Variants in PRR5 observed in about 807,000 individuals in gnomAD.
The protein encoded by PRR5 is proline-rich protein 5.
Under a neutral mutation model 30.6 loss-of-function variants are expected in PRR5, and 25 were observed. The observed-to-expected ratio is 0.82, with a 90% CI of 0.60 to 1.14. The LOEUF (loss-of-function observed/expected upper bound fraction) is 1.14, where lower values mean the gene tolerates loss of function less well. PRR5 is among the 50% of genes most tolerant of loss of function. PRR5 has a pLI of 0.00. For missense variants in PRR5, 600 were observed against 547.1 expected (o/e 1.10, Z -0.96); for synonymous variants, 286 against 247.1 (o/e 1.16, Z -1.48).
chr22:44,732,245 C>G lies in PRR5; in HGVS notation c.415-6C>G. 1 of 1,610,790 alleles carries G rather than the reference C, an allele frequency of 6.2e-7. No homozygotes were observed. The highest frequency in any genetic ancestry group is 8.5e-7 in the Non-Finnish European group (1 of 1,179,506). On this transcript the variant is annotated splice_polypyrimidine_tract_variant and splice_region_variant and intron_variant, in intron 5 of 7. Coordinates refer to ENST00000336985, the MANE Select transcript of PRR5 (RefSeq NM_181333.4). ...GCCGGTGGGGTGGGGTGCCTTCCGT[C>G]CACAGGGCAAGGAGCCATCGGTGCG...
At chr22:44,670,133 A>T (rs1422224467) in intron 1 of PRR5, among the ~76,000 whole-genome samples, 2 of 152,084 alleles carry the variant, frequency 1.3e-5, no homozygotes, top group Non-Finnish European at 2.9e-5. Context: ...GATGAGGGGG[A>T]CAAAGTCATC....
At position 44,733,112 on chromosome 22, in the gene PRR5, A is replaced by C. The variant is rs546311784; in HGVS notation, c.555+721A>C. On this transcript the variant is annotated intron_variant, in intron 6 of 7. Coordinates refer to ENST00000336985, the MANE Select transcript of PRR5 (RefSeq NM_181333.4). ...CCCAGAGGGCTTTTGTCAGTGGGTC[A>C]GCTCTGGGGAAGACACTCTGAGAGC... is the stretch of plus-strand genomic sequence containing the variant. Among the ~76,000 whole-genome samples the C allele has an allele frequency of 4.3e-4, 66 of 152,386 alleles. 1 individual carries two copies. Among genetic ancestry groups the C allele is most frequent in the Non-Finnish European group, 7.8e-4 (53 of 68,042 alleles).
intron 4 of PRR5, 122 bp from the exon 5 acceptor site, chr22:44,731,608 G>C: frequency 3.3e-6 from 3 of 918,624 alleles, no homozygotes; most frequent in South Asian, 1.4e-5. Flanking sequence ...CCTTGGGCAG[G>C]TGCTGCCAGG....
chr22:44,734,941 T>C, intron 6 of PRR5, 86 bp from the exon 7 acceptor site: 1 of 1,466,176 alleles, frequency 6.8e-7, no homozygotes, highest in Non-Finnish European at 9.3e-7. Flanking sequence ...GGACAGGCTG[T>C]CTGGTGGGTG....
intron 6 of PRR5, among the ~76,000 whole-genome samples, chr22:44,733,753 G>A (rs1423084833): frequency 6.6e-6 from 1 of 152,128 alleles, no homozygotes; most frequent in Non-Finnish European, 1.5e-5. Flanking sequence ...TAGTGTAGGT[G>A]ACCTTACTGT....
chr22:44,725,671 G>GTTA (rs1920931749), intron 3 of PRR5, among the ~76,000 whole-genome samples: 1 of 151,778 alleles, frequency 6.6e-6, no homozygotes, highest in African/African-American at 2.4e-5. Flanking sequence ...TGTTGTTGTT[G>GTTA]TTGTTGTTGT....
upstream of PRR5, among the ~76,000 whole-genome samples, chr22:44,700,127 G>C (rs1926122131): frequency 6.6e-6 from 1 of 152,034 alleles, no homozygotes; most frequent in Admixed American, 6.6e-5. Flanking sequence ...GACCAGCCTG[G>C]GCAACATAGC....
At chr22:44,696,872 G>A (rs1161655678) in intron 1 of PRR5, among the ~76,000 whole-genome samples, 1 of 152,148 alleles carries the variant, frequency 6.6e-6, no homozygotes, top group Middle Eastern at 3.2e-3. Context: ...TAGTAGCTGG[G>A]ACTACAGGTG....
intron 1 of PRR5, among the ~76,000 whole-genome samples, chr22:44,709,830 T>G (rs781399709): frequency 6.6e-6 from 1 of 151,980 alleles, no homozygotes; most frequent in Non-Finnish European, 1.5e-5. Context: ...CCAGCCTAGG[T>G]GACAGAACGA....
At position 44,737,365 on chromosome 22, in the gene PRR5, T is replaced by A; in HGVS notation, c.*118T>A. The A allele has an allele frequency of 7.0e-7, 1 of 1,433,056 alleles. No individual in the cohort carries two copies. The highest frequency in any genetic ancestry group is 9.2e-7 in the Non-Finnish European group (1 of 1,091,652). The allele number at this position is 1,433,056 out of a possible 1,614,324, so 88.8% of individuals were successfully genotyped here. On this transcript the variant is annotated 3_prime_UTR_variant, in exon 8 of 8. Transcript: ENST00000336985. ...TCCCGTCCCGCCAGCCCTATCGGCC[T>A]CGTCACTGGCCTTGGTCACTTTGTA...
At chr22:44,679,197 C>T (rs1046836515) in intron 1 of PRR5, 2 of 152,292 alleles carry the variant, frequency 1.3e-5, no homozygotes, top group African/African-American at 4.8e-5. Context: ...CAGGCAGGAG[C>T]AGGCTTGTGT....
intron 1 of PRR5, among the ~76,000 whole-genome samples, chr22:44,713,904 C>T (rs549346593): frequency 4.3e-4 from 66 of 152,196 alleles, no homozygotes; most frequent in East Asian, 3.3e-3. Flanking sequence ...CCCGGGTTCA[C>T]GCCACTCTCC....
rs1382586171 is a variant in PRR5, at chr22:44,714,656, T to C, written c.200T>C (p.Leu67Pro). The C allele has an allele frequency of 5.6e-6, 9 of 1,613,854 alleles. No individual in the cohort carries two copies. The highest frequency in any genetic ancestry group is 7.6e-6 in the Non-Finnish European group (9 of 1,179,974). The change falls in exon 2 of 8, where the codon CTC (leucine) becomes CCC (proline). Residue 67 changes from leucine to proline, a missense_variant. Transcript: ENST00000336985. ...CTGCCCGACCAGGAGCTCTTCAGCC[T>C]CAACGAGGGCGTCCGGTGAGTGCCT... Reference protein sequence around the residue: ...KGLPDQELFSLNEGVRQLLKT... With the variant: ...KGLPDQELFSPNEGVRQLLKT...
intron 1 of PRR5, among the ~76,000 whole-genome samples, chr22:44,686,937 A>C (rs561386765): frequency 5.9e-5 from 9 of 152,242 alleles, no homozygotes; most frequent in Non-Finnish European, 1.2e-4. Flanking sequence ...TCCTTCTTTT[A>C]CATCTTTAAT....
chr22:44,671,661 G>T (rs1018614089), intron 1 of PRR5, among the ~76,000 whole-genome samples: 3 of 152,184 alleles, frequency 2.0e-5, no homozygotes, highest in Non-Finnish European at 4.4e-5. Context: ...CTGAGCTTCA[G>T]TTCTCTCATT....
At chr22:44,714,202 G>A (rs1046074971) in intron 1 of PRR5, among the ~76,000 whole-genome samples, 19 of 152,364 alleles carry the variant, frequency 1.2e-4, no homozygotes, top group African/African-American at 3.6e-4. Context: ...CCGGGTGGCC[G>A]TGGAGGTAGA....
At chr22:44,729,729 C>G (rs1340095373) in intron 4 of PRR5, 1 of 985,382 alleles carries the variant, frequency 1.0e-6, no homozygotes, top group Non-Finnish European at 1.2e-6. Context: ...TTCCTGGCCT[C>G]TCGTCACCGT....
intron 1 of PRR5, among the ~76,000 whole-genome samples, chr22:44,713,286 G>A (rs1044018536): frequency 1.3e-5 from 2 of 152,212 alleles, no homozygotes; most frequent in Admixed American, 6.5e-5. Flanking sequence ...GAAGGGGTAC[G>A]GGGAGAGCTC....
intron 1 of PRR5, among the ~76,000 whole-genome samples, chr22:44,678,072 A>C (rs1031309444): frequency 6.6e-6 from 1 of 152,136 alleles, no homozygotes; most frequent in African/African-American, 2.4e-5. Flanking sequence ...TGGTACCCAG[A>C]GTCACGCGTG....
Sources: allele counts gnomAD v4.1 joint callset (sites outside exome capture counted in the v4.1 genomes callset), GRCh38; gene constraint gnomAD v4.1.1; transcripts MANE v1.5; gene names NCBI Gene and HGNC (gene_info 2026-07-23, HGNC 2026-07-21).